Variants in SLC32A1 observed in about 807,000 individuals in gnomAD.
SLC32A1 encodes solute carrier family 32 member 1.
SLC32A1 carries 8 observed loss-of-function variants against 35.5 expected under a neutral mutation model. The ratio of observed to expected loss-of-function variants is 0.23; its 90% CI spans 0.13 to 0.41. The LOEUF (loss-of-function observed/expected upper bound fraction) is 0.41. Ranked by LOEUF, SLC32A1 falls within the 10% of genes least tolerant of loss-of-function variation. SLC32A1 has a pLI of 1.00. For missense variants in SLC32A1, 493 were observed against 722.3 expected (o/e 0.68, Z 3.64); for synonymous variants, 317 against 326.3 (o/e 0.97, Z 0.31).
rs750610215 is a variant in SLC32A1 at position 38,724,600 on chromosome 20, C to A, written c.-125C>A. 778 of 1,227,540 alleles carry A rather than the reference C, an allele frequency of 6.3e-4. No individual in the cohort carries two copies. The highest frequency in any genetic ancestry group is 7.8e-4 in the Non-Finnish European group (703 of 903,940). 76.0% of individuals were successfully genotyped at this position (1,227,540 alleles called of 1,614,324 possible). A position where few individuals can be genotyped will look rare whatever the true frequency, so the allele number is the denominator to read the frequency against. On this transcript the variant is annotated 5_prime_UTR_variant, in exon 1 of 2. Coordinates refer to ENST00000217420, the MANE Select transcript of SLC32A1 (RefSeq NM_080552.3). Reference sequence around the variant, plus strand: ...GCTGCGAGGGTCATGAGCCAGAGAGCCCCGGGGCGCCGCGCGGAGAGCAAG... The same window carrying A: ...GCTGCGAGGGTCATGAGCCAGAGAGACCCGGGGCGCCGCGCGGAGAGCAAG...
chr20:38,728,088 A>T lies in SLC32A1; in HGVS notation c.1027A>T (p.Thr343Ser), dbSNP rs1327456008. The change falls in exon 2 of 2, where the codon ACG (threonine) becomes TCG (serine). Residue 343 changes from threonine to serine, a missense_variant. Thr to Ser is a moderately conservative substitution (Grantham distance 58). Around this residue, in one of 4 missense-constraint regions of SLC32A1, gnomAD observed 269 missense variants for 445.6 expected, o/e 0.60. Coordinates refer to ENST00000217420, the MANE Select transcript of SLC32A1 (RefSeq NM_080552.3). ...PSEFHCMMNW[T>S]HIAACVLKGL... The stretch of plus-strand genomic sequence containing the variant: ...CGAGTTCCACTGCATGATGAACTGG[A>T]CGCACATCGCAGCCTGCGTGCTCAA... The T allele has an allele frequency of 6.2e-7, 1 of 1,614,000 alleles. No individual in the cohort carries two copies. The highest frequency in any genetic ancestry group is 1.7e-5 in the Admixed American group (1 of 60,022).
intron 1 of SLC32A1, among the ~76,000 whole-genome samples, chr20:38,725,712 A>G (rs1263542916): frequency 2.6e-5 from 4 of 152,202 alleles, no homozygotes; most frequent in Non-Finnish European, 5.9e-5. Context: ...CTCCACAAAC[A>G]AAAGCATATA....
Position 38,728,865 on chromosome 20 carries a change from G to T in SLC32A1, c.*226G>T. 1 of 527,904 alleles carries T rather than the reference G, an allele frequency of 1.9e-6. No homozygotes were observed. The highest frequency in any genetic ancestry group is 3.3e-6 in the Non-Finnish European group (1 of 304,432). The allele number at this position is 527,904 out of a possible 1,614,324, so 32.7% of individuals were successfully genotyped here. A position where few individuals can be genotyped will look rare whatever the true frequency, so the allele number is the denominator to read the frequency against. The stretch of plus-strand genomic sequence containing the variant: ...GTCCTTTCTTTTCCACAACACCCTG[G>T]TTTTGGGGGGAGGCGGGGTGCATTT... On this transcript the variant is annotated 3_prime_UTR_variant, in exon 2 of 2. Coordinates refer to ENST00000217420, the MANE Select transcript of SLC32A1 (RefSeq NM_080552.3).
chr20:38,727,349 T>A, intron 1 of SLC32A1, 103 bp from the exon 2 acceptor site: 1 of 1,123,494 alleles, frequency 8.9e-7, no homozygotes, highest in Non-Finnish European at 1.3e-6. Context: ...TCAGTGTCCT[T>A]AGCGCCCCCT....
chr20:38,724,720 C>A lies in SLC32A1; in HGVS notation c.-5C>A. 1 of 1,597,216 alleles carries A rather than the reference C, an allele frequency of 6.3e-7. No individual in the cohort carries two copies. The highest frequency in any genetic ancestry group is 8.5e-7 in the Non-Finnish European group (1 of 1,172,086). On this transcript the variant is annotated 5_prime_UTR_variant, in exon 1 of 2. Transcript: ENST00000217420. ...TCTGTCCTTTCCGCTGTCCCCACCG[C>A]CGCCATGGCCACCTTGCTCCGCAGC...
intron 1 of SLC32A1, 76 bp downstream of exon 1, chr20:38,725,190 G>T: frequency 6.8e-7 from 1 of 1,474,856 alleles, no homozygotes; most frequent in East Asian, 2.5e-5. Context: ...CCCGACAGTC[G>T]CCCGGTGATC....
Position 38,724,711 on chromosome 20 carries a change from T to G in SLC32A1, c.-14T>G. 6.3e-7 allele frequency: 1 copy of G among 1,590,070 alleles called. No individual in the cohort carries two copies. The highest frequency in any genetic ancestry group is 8.6e-7 in the Non-Finnish European group (1 of 1,169,114). On this transcript the variant is annotated 5_prime_UTR_variant, in exon 1 of 2. Coordinates refer to ENST00000217420, the MANE Select transcript of SLC32A1 (RefSeq NM_080552.3). ...TCGGGTCCTTCTGTCCTTTCCGCTG[T>G]CCCCACCGCCGCCATGGCCACCTTG...
At position 38,728,810 on chromosome 20, in the gene SLC32A1, T is replaced by C; in HGVS notation, c.*171T>C. The C allele has an allele frequency of 1.6e-6, 1 of 610,960 alleles. No homozygotes were observed. The highest frequency in any genetic ancestry group is 2.8e-6 in the Non-Finnish European group (1 of 355,528). The allele number at this position is 610,960 out of a possible 1,614,324, so 37.8% of individuals were successfully genotyped here. A position where few individuals can be genotyped will look rare whatever the true frequency, so the allele number is the denominator to read the frequency against. ...TGGGGGGGATGGGAGGGGACAGGGA[T>C]TCACGATCCATCGCGTCTGCGTTTC... On this transcript the variant is annotated 3_prime_UTR_variant, in exon 2 of 2. Coordinates refer to ENST00000217420, the MANE Select transcript of SLC32A1 (RefSeq NM_080552.3).
At position 38,724,694 on chromosome 20, in the gene SLC32A1, T is replaced by G. The variant is rs897223569; in HGVS notation, c.-31T>G. ...TCGCGTTCCCCGCATCCTCGGGTCC[T>G]TCTGTCCTTTCCGCTGTCCCCACCG... is the stretch of plus-strand genomic sequence containing the variant. On this transcript the variant is annotated 5_prime_UTR_variant, in exon 1 of 2. Coordinates refer to ENST00000217420, the MANE Select transcript of SLC32A1 (RefSeq NM_080552.3). 3.2e-6 allele frequency: 5 copies of G among 1,570,738 alleles called. No homozygotes were observed. The African/African-American group carries it at 6.8e-5, about 21-fold the overall frequency.
At position 38,724,781 on chromosome 20, in the gene SLC32A1, G is replaced by A. The variant is rs967305789; in HGVS notation, c.57G>A (p.Lys19=). ...LSNVATSVSN[K]SQAKMSGMFA... is the part of the protein sequence containing the mutation. Reference sequence around the variant, plus strand: ...ACGTGGCCACGTCCGTGTCCAACAAGTCCCAGGCCAAGATGAGCGGCATGT... The same window carrying A: ...ACGTGGCCACGTCCGTGTCCAACAAATCCCAGGCCAAGATGAGCGGCATGT... The change falls in exon 1 of 2, where the codon AAG becomes AAA. Residue 19 remains lysine, a synonymous_variant. Coordinates refer to ENST00000217420, the MANE Select transcript of SLC32A1 (RefSeq NM_080552.3). 3.1e-6 allele frequency: 5 copies of A among 1,613,770 alleles called. No individual in the cohort carries two copies. The African/African-American group carries it at 5.3e-5, about 17-fold the overall frequency.
chr20:38,728,787 G>A lies in SLC32A1; in HGVS notation c.*148G>A, dbSNP rs1314617697. On this transcript the variant is annotated 3_prime_UTR_variant, in exon 2 of 2. Coordinates refer to ENST00000217420, the MANE Select transcript of SLC32A1 (RefSeq NM_080552.3). ...CCTAGTTTCTGATTATTCGGGGATG[G>A]GGGGGATGGGAGGGGACAGGGATTC... The A allele has an allele frequency of 9.5e-6, 6 of 628,680 alleles. No individual in the cohort carries two copies. Among genetic ancestry groups the A allele is most frequent in the Non-Finnish European group, 1.6e-5 (6 of 369,044 alleles). The allele number at this position is 628,680 out of a possible 1,614,324, so 38.9% of individuals were successfully genotyped here.
chr20:38,728,255 C>T lies in SLC32A1; in HGVS notation c.1194C>T (p.Phe398=). The T allele has an allele frequency of 1.2e-6, 2 of 1,614,100 alleles. No homozygotes were observed. Among genetic ancestry groups the T allele is most frequent in the Non-Finnish European group, 1.7e-6 (2 of 1,179,920 alleles). The change falls in exon 2 of 2, where the codon TTC becomes TTT. Residue 398 remains phenylalanine, a synonymous_variant. Transcript: ENST00000217420. ...CGCTGTTGTCCTATCCTCTGCCATT[C>T]TTTGCCGCTGTCGAGGTGCTGGAGA... ...AKALLSYPLP[F]FAAVEVLEKS...
In SLC32A1 at chr20:38,726,071, G is replaced by T. The variant is rs2084274921; in HGVS notation, c.390+957G>T. Among the ~76,000 whole-genome samples, 1 of 152,124 alleles carries T rather than the reference G, an allele frequency of 6.6e-6. No homozygotes were observed. The highest frequency in any genetic ancestry group is 1.5e-5 in the Non-Finnish European group (1 of 68,010). On this transcript the variant is annotated intron_variant, in intron 1 of 1. Transcript: ENST00000217420. This position sits in a 1 kb window ranked among gnomAD's most constrained non-coding sequence, Gnocchi z 4.7. ...TTCCTAACCCCCCACTCCCCACCAG[G>T]CGGCGCAGGACTCCTACATAGGGAG...
chr20:38,725,943 C>T (rs1024425581), intron 1 of SLC32A1, among the ~76,000 whole-genome samples: 3 of 152,248 alleles, frequency 2.0e-5, no homozygotes, highest in African/African-American at 7.2e-5. Flanking sequence ...CCCGAAATCC[C>T]GGCTGCACCG....
chr20:38,724,757 C>T lies in SLC32A1; in HGVS notation c.33C>T (p.Asn11=), dbSNP rs2084267836. ...CCTTGCTCCGCAGCAAGCTGTCCAA[C>T]GTGGCCACGTCCGTGTCCAACAAGT... The part of the protein sequence containing the change: MATLLRSKLS[N]VATSVSNKSQ... Residue 11 remains asparagine (N), a synonymous_variant, in exon 1 of 2, where the codon AAC becomes AAT. Coordinates refer to ENST00000217420, the MANE Select transcript of SLC32A1 (RefSeq NM_080552.3). 2 of 1,613,122 alleles carry T rather than the reference C, an allele frequency of 1.2e-6. No individual in the cohort carries two copies. The highest frequency in any genetic ancestry group is 1.3e-5 in the African/African-American group (1 of 75,062).
In SLC32A1 at chr20:38,724,923, G is replaced by A; in HGVS notation, c.199G>A (p.Gly67Arg). 6.2e-7 allele frequency: 1 copy of A among 1,613,596 alleles called. No individual in the cohort carries two copies. Among genetic ancestry groups the A allele is most frequent in the Middle Eastern group, 1.7e-4 (1 of 6,058 alleles). Reference protein sequence around the residue: ...GLQMDILKAEGEPCGDEGAEA... With the variant: ...GLQMDILKAEREPCGDEGAEA... ...GCAGATGGACATCCTGAAAGCCGAG[G>A]GAGAGCCCTGCGGGGACGAGGGCGC... is the stretch of plus-strand genomic sequence containing the variant. Residue 67 changes from glycine (G) to arginine (R), a missense_variant, in exon 1 of 2, where the codon GGA becomes AGA. Physicochemically the swap from Gly to Arg is moderately radical, Grantham distance 125. Coordinates refer to ENST00000217420, the MANE Select transcript of SLC32A1 (RefSeq NM_080552.3).
intron 1 of SLC32A1, among the ~76,000 whole-genome samples, chr20:38,725,316 CA>C (rs1347398745): frequency 8.5e-5 from 13 of 152,254 alleles, no homozygotes; most frequent in Non-Finnish European, 1.9e-4. Flanking sequence ...CGCTCCCTCC[CA>C]ACGGCACCAG....
Position 38,728,766 on chromosome 20 carries a change from G to T in SLC32A1, c.*127G>T. The T allele has an allele frequency of 1.6e-5, 6 of 368,508 alleles. No individual in the cohort carries two copies. Among genetic ancestry groups the T allele is most frequent in the South Asian group, 2.3e-5 (1 of 44,304 alleles). The allele number at this position is 368,508 out of a possible 1,614,324, so 22.8% of individuals were successfully genotyped here. On this transcript the variant is annotated 3_prime_UTR_variant, in exon 2 of 2. Coordinates refer to ENST00000217420, the MANE Select transcript of SLC32A1 (RefSeq NM_080552.3). Reference sequence around the variant, plus strand: ...AAGCTTTAAACATCTCTGGTTCCTAGTTTCTGATTATTCGGGGATGGGGGG... The same window carrying T: ...AAGCTTTAAACATCTCTGGTTCCTATTTTCTGATTATTCGGGGATGGGGGG...
Position 38,729,080 on chromosome 20 carries a change from T to G in SLC32A1, c.*441T>G. On this transcript the variant is annotated 3_prime_UTR_variant, in exon 2 of 2. Coordinates refer to ENST00000217420, the MANE Select transcript of SLC32A1 (RefSeq NM_080552.3). ...CCATTTCCAGCAAGAGCGCTTCCCA[T>G]TCCGGAGACGTTTCAACCCTGCAGC... 1 of 158,138 alleles carries G rather than the reference T, an allele frequency of 6.3e-6. No homozygotes were observed. Among genetic ancestry groups the G allele is most frequent in the Non-Finnish European group, 1.4e-5 (1 of 71,996 alleles). The allele number at this position is 158,138 out of a possible 1,614,324, so 9.8% of individuals were successfully genotyped here.
Sources: gnomAD v4.1 joint callset for allele counts (sites outside exome capture counted in the v4.1 genomes callset) on GRCh38, gnomAD v4.1.1 for gene constraint, gnomAD v4.1.1 regional missense constraint, Gnocchi (gnomAD v3.1) non-coding constraint, MANE v1.5 for transcripts, NCBI Gene and HGNC (gene_info 2026-07-23, HGNC 2026-07-21) for gene names.